The following CNTNAP2 variants were observed in gnomAD, a reference collection of about 807,000 sequenced individuals.
The protein encoded by CNTNAP2 is contactin associated protein 2, also known as contactin-associated protein-like 2.
A neutral mutation model predicts 155.2 loss-of-function variants in CNTNAP2; 98 were observed. The observed-to-expected ratio is 0.63, with a 90% CI of 0.54 to 0.75. The LOEUF (loss-of-function observed/expected upper bound fraction) is 0.75. Among genes scored for constraint, CNTNAP2 ranks in the 30% least tolerant of loss-of-function variants. The probability of loss-of-function intolerance (pLI) is 0.00; values close to 1 mark genes in which losing one functional copy is unlikely to be tolerated. For missense variants in CNTNAP2, 1,727 were observed against 1,688.1 expected (o/e 1.02, Z -0.40); for synonymous variants, 651 against 631.2 (o/e 1.03, Z -0.47).
chr7:147,197,908 A>G (rs1278311847), intron 8 of CNTNAP2, among the ~76,000 whole-genome samples: 1 of 152,194 alleles, frequency 6.6e-6, no homozygotes, highest in Non-Finnish European at 1.5e-5. Flanking sequence ...AAAGTTTAAA[A>G]TATTTGAAGA....
intron 1 of CNTNAP2, among the ~76,000 whole-genome samples, chr7:146,751,723 A>AGGT (rs913088613): frequency 7.2e-5 from 11 of 152,118 alleles, no homozygotes; most frequent in African/African-American, 2.6e-4. Flanking sequence ...TCCGTCATGT[A>AGGT]GGTTTTAAGC....
At chr7:147,044,658 A>G (rs905988316) in intron 4 of CNTNAP2, among the ~76,000 whole-genome samples, 2 of 152,206 alleles carry the variant, frequency 1.3e-5, no homozygotes, top group East Asian at 3.9e-4. Flanking sequence ...TACATTATGC[A>G]TATATCTAAG....
chr7:147,729,547 G>T (rs567376108), intron 13 of CNTNAP2, among the ~76,000 whole-genome samples: 8 of 113,396 alleles, frequency 7.1e-5, no homozygotes, highest in African/African-American at 2.1e-4. Context: ...AGGTAAAAAG[G>T]TATTTGCTTT....
chr7:146,337,574 T>G (rs1429285129), intron 1 of CNTNAP2, among the ~76,000 whole-genome samples: 1 of 152,176 alleles, frequency 6.6e-6, no homozygotes, highest in Non-Finnish European at 1.5e-5. Context: ...TACTCCAACC[T>G]CAGCCTCCTG....
intron 3 of CNTNAP2, among the ~76,000 whole-genome samples, chr7:146,983,106 A>G (rs996074886): frequency 5.9e-5 from 9 of 152,164 alleles, no homozygotes; most frequent in Admixed American, 3.9e-4. Context: ...AATTGTCCCA[A>G]TTGGAGAAGA....
At chr7:148,058,950 G>T (rs1803076240) in intron 15 of CNTNAP2, among the ~76,000 whole-genome samples, 1 of 152,028 alleles carries the variant, frequency 6.6e-6, no homozygotes, top group Non-Finnish European at 1.5e-5. Flanking sequence ...TCTTGATGTG[G>T]ATTCGAGTTA....
chr7:146,515,538 A>G (rs1183451641), intron 1 of CNTNAP2, among the ~76,000 whole-genome samples: 2 of 152,162 alleles, frequency 1.3e-5, no homozygotes, highest in East Asian at 3.9e-4. Context: ...TGTGAAGGAG[A>G]GTGATGCCAA....
chr7:148,381,464 A>C (rs1249890733), intron 21 of CNTNAP2: 1 of 152,196 alleles, frequency 6.6e-6, no homozygotes, highest in African/African-American at 2.4e-5. Context: ...TCTTCTCCTG[A>C]AGTCCAGCCA....
In CNTNAP2 at chr7:146,140,494, G is replaced by A. The variant is rs563752370; in HGVS notation, c.97+23521G>A. Among the ~76,000 whole-genome samples, 14 of 152,180 alleles carry A rather than the reference G, an allele frequency of 9.2e-5. No homozygotes were observed. In the South Asian group the frequency reaches 1.7e-3, roughly 18 times the overall value. On this transcript the variant is annotated intron_variant, in intron 1 of 23. Coordinates refer to ENST00000361727, the MANE Select transcript of CNTNAP2 (RefSeq NM_014141.6). ...AATGAAATAATTAGGTAGATACTAA[G>A]ACAGAGCATTTAAAATATATTCTCA...
At chr7:148,111,330 A>G (rs187571021) in intron 15 of CNTNAP2, among the ~76,000 whole-genome samples, 44 of 152,338 alleles carry the variant, frequency 2.9e-4, no homozygotes, top group African/African-American at 1.1e-3. Context: ...TCAGAGAGAC[A>G]AGAGAAGATA....
At chr7:147,461,960 A>T (rs528857369) in intron 10 of CNTNAP2, among the ~76,000 whole-genome samples, 2 of 152,222 alleles carry the variant, frequency 1.3e-5, no homozygotes, top group East Asian at 3.8e-4. Context: ...ATATAAAAAT[A>T]ATTAAAACAT....
chr7:146,727,585 C>T lies in CNTNAP2; in HGVS notation c.98-46686C>T, dbSNP rs73740830. ...ATTTGGATAGCCTCGTTGTGATTCACGTACATGTTTCCCAATTGCCGGCAA... is the reference window on the plus strand; with the variant it reads ...ATTTGGATAGCCTCGTTGTGATTCATGTACATGTTTCCCAATTGCCGGCAA... On this transcript the variant is annotated intron_variant, in intron 1 of 23. Coordinates refer to ENST00000361727, the MANE Select transcript of CNTNAP2 (RefSeq NM_014141.6). Among the ~76,000 whole-genome samples the T allele has an allele frequency of 9.8e-3, 1,491 of 152,244 alleles. 31 individuals carry two copies. The highest frequency in any genetic ancestry group is 0.034 in the African/African-American group (1,416 of 41,552).
At chr7:148,227,404 C>A (rs1471861237) in intron 19 of CNTNAP2, among the ~76,000 whole-genome samples, 1 of 152,152 alleles carries the variant, frequency 6.6e-6, no homozygotes, top group East Asian at 1.9e-4. Flanking sequence ...GATAAGAGGC[C>A]TCACTTGAGA....
At chr7:147,841,386 T>A (rs112900723) in intron 13 of CNTNAP2, among the ~76,000 whole-genome samples, 1,675 of 152,262 alleles carry the variant, frequency 0.011, 23 homozygotes, top group African/African-American at 0.039. Context: ...AAGTCCTTTG[T>A]GTGAGAACTG....
At chr7:146,916,518 G>C (rs1796397585) in intron 3 of CNTNAP2, among the ~76,000 whole-genome samples, 1 of 151,996 alleles carries the variant, frequency 6.6e-6, no homozygotes, top group African/African-American at 2.4e-5. Flanking sequence ...CTTGTTATTG[G>C]TCTGTTCAGA....
chr7:147,175,866 A>C (rs746929774), intron 8 of CNTNAP2, among the ~76,000 whole-genome samples: 2 of 152,176 alleles, frequency 1.3e-5, no homozygotes, highest in African/African-American at 2.4e-5. Context: ...CTCTATAATC[A>C]GCATCAATTT....
At chr7:147,328,084 A>T (rs1166901329) in intron 9 of CNTNAP2, among the ~76,000 whole-genome samples, 1 of 152,218 alleles carries the variant, frequency 6.6e-6, no homozygotes, top group Non-Finnish European at 1.5e-5. Context: ...TGGGACAAAA[A>T]TAACGAGCAA....
chr7:147,789,678 G>A (rs1797790389), intron 13 of CNTNAP2, among the ~76,000 whole-genome samples: 2 of 152,190 alleles, frequency 1.3e-5, no homozygotes, highest in African/African-American at 4.8e-5. Flanking sequence ...CCCAGTGTGT[G>A]GGCACCATCT....
At chr7:146,389,696 C>CTTTTTTTTTTTTTTTTTTTTT (rs1408040421) in intron 1 of CNTNAP2, among the ~76,000 whole-genome samples, 6 of 140,818 alleles carry the variant, frequency 4.3e-5, no homozygotes, top group African/African-American at 1.6e-4. Context: ...TTTTTCTTTT[C>CTTTTTTTTTTTTTTTTTTTTT]TTTTTTCTTT....
Sources: allele counts gnomAD v4.1 joint callset (sites outside exome capture counted in the v4.1 genomes callset), GRCh38; gene constraint gnomAD v4.1.1; transcripts MANE v1.5; gene names NCBI Gene and HGNC (gene_info 2026-07-23, HGNC 2026-07-21).